Variants in CNTNAP2 observed in about 807,000 individuals in gnomAD.
The protein encoded by CNTNAP2 is contactin associated protein 2.
In CNTNAP2, 98 loss-of-function variants were observed where a neutral mutation model predicts 155.2. The ratio of observed to expected loss-of-function variants is 0.63; its 90% CI spans 0.54 to 0.75. The LOEUF (loss-of-function observed/expected upper bound fraction) is 0.75, where lower values mean the gene tolerates loss of function less well. Ranked by LOEUF, CNTNAP2 falls within the 30% of genes least tolerant of loss-of-function variation. The pLI, the probability that CNTNAP2 is intolerant of heterozygous loss-of-function variation, is 0.00. For synonymous variants in CNTNAP2, 651 were observed against 631.2 expected (o/e 1.03, Z -0.47); for missense variants, 1,727 against 1,688.1 (o/e 1.02, Z -0.40).
intron 4 of CNTNAP2, among the ~76,000 whole-genome samples, chr7:147,047,682 G>GGATTAAGTCT: frequency 1.3e-5 from 2 of 152,224 alleles, no homozygotes; most frequent in South Asian, 4.1e-4. Context: ...CTTAAACTGT[G>GGATTAAGTCT]ACCACATGTT....
intron 3 of CNTNAP2, among the ~76,000 whole-genome samples, chr7:147,020,154 C>T (rs1028947132): frequency 1.3e-5 from 2 of 152,046 alleles, no homozygotes; most frequent in Admixed American, 6.6e-5. Context: ...TTGCACATAT[C>T]ATAGATGATC....
At chr7:146,193,580 G>C (rs1323478608) in intron 1 of CNTNAP2, among the ~76,000 whole-genome samples, 1 of 152,168 alleles carries the variant, frequency 6.6e-6, no homozygotes, top group Admixed American at 6.5e-5. Context: ...AAGTCCCTAG[G>C]CTGCAGAGCA....
At chr7:146,266,133 G>T (rs1799990253) in intron 1 of CNTNAP2, among the ~76,000 whole-genome samples, 1 of 152,154 alleles carries the variant, frequency 6.6e-6, no homozygotes, top group Admixed American at 6.5e-5. Context: ...AACAAATAAT[G>T]CAAGGAGAGA....
chr7:146,744,809 A>AT (rs1466430841), intron 1 of CNTNAP2, among the ~76,000 whole-genome samples: 3 of 152,124 alleles, frequency 2.0e-5, no homozygotes, highest in Non-Finnish European at 4.4e-5. Context: ...TACAAGTATG[A>AT]TTTTCCACAA....
intron 1 of CNTNAP2, among the ~76,000 whole-genome samples, chr7:146,674,632 CA>C (rs1456219238): frequency 1.3e-5 from 2 of 151,950 alleles, no homozygotes; most frequent in African/African-American, 4.8e-5. Context: ...TGGGGAGGAA[CA>C]GGGGCAGCTC....
chr7:147,303,241 T>G (rs1300953693), intron 9 of CNTNAP2, among the ~76,000 whole-genome samples: 1 of 152,244 alleles, frequency 6.6e-6, no homozygotes, highest in African/African-American at 2.4e-5. Context: ...TAACATTTCT[T>G]TAACATTTAT....
chr7:147,433,465 G>C (rs1367278101), intron 10 of CNTNAP2, among the ~76,000 whole-genome samples: 3 of 152,140 alleles, frequency 2.0e-5, no homozygotes, highest in Admixed American at 2.0e-4. Context: ...GTTATCTGCA[G>C]GGCACTCTGG....
chr7:146,710,776 T>G (rs1433589610), intron 1 of CNTNAP2, among the ~76,000 whole-genome samples: 1 of 152,092 alleles, frequency 6.6e-6, no homozygotes, highest in Non-Finnish European at 1.5e-5. Flanking sequence ...AATCACTAAT[T>G]TAAAATCAGT....
At chr7:147,961,223 A>T (rs1234490109) in intron 14 of CNTNAP2, among the ~76,000 whole-genome samples, 1 of 152,052 alleles carries the variant, frequency 6.6e-6, no homozygotes, top group Non-Finnish European at 1.5e-5. Flanking sequence ...TATAACTAGG[A>T]TATACTCAAA....
intron 1 of CNTNAP2, among the ~76,000 whole-genome samples, chr7:146,523,151 C>T (rs774204188): frequency 2.0e-5 from 3 of 151,952 alleles, no homozygotes; most frequent in Admixed American, 6.6e-5. Flanking sequence ...TCCCTTCCCA[C>T]GCTTTCCCCC....
At chr7:146,584,292 T>C (rs530714243) in intron 1 of CNTNAP2, among the ~76,000 whole-genome samples, 1 of 152,310 alleles carries the variant, frequency 6.6e-6, no homozygotes, top group East Asian at 1.9e-4. Flanking sequence ...TTTTCTTATC[T>C]GTATAATGTG....
chr7:147,130,816 T>C (rs1801337515), intron 7 of CNTNAP2, among the ~76,000 whole-genome samples: 1 of 152,088 alleles, frequency 6.6e-6, no homozygotes, highest in African/African-American at 2.4e-5. Flanking sequence ...TTAATTTTGC[T>C]AGGGAGACAA....
chr7:146,219,070 C>T (rs1799163192), intron 1 of CNTNAP2, among the ~76,000 whole-genome samples: 1 of 152,134 alleles, frequency 6.6e-6, no homozygotes, highest in African/African-American at 2.4e-5. Context: ...AAAAGAGACG[C>T]CAGGACCTTC....
intron 1 of CNTNAP2, among the ~76,000 whole-genome samples, chr7:146,586,429 G>C (rs974820684): frequency 1.3e-4 from 20 of 152,092 alleles, no homozygotes; most frequent in African/African-American, 4.1e-4. Context: ...AGGTAGGAGA[G>C]AGTATAGAGC....
intron 1 of CNTNAP2, among the ~76,000 whole-genome samples, chr7:146,772,678 TAAAA>T (rs1318834688): frequency 6.7e-6 from 1 of 149,748 alleles, no homozygotes; most frequent in South Asian, 2.1e-4. Flanking sequence ...CAAATAAAAA[TAAAA>T]AAGAAAAAAG....
chr7:147,358,720 C>G (rs1198472891), intron 9 of CNTNAP2, among the ~76,000 whole-genome samples: 1 of 151,998 alleles, frequency 6.6e-6, no homozygotes, highest in Non-Finnish European at 1.5e-5. Context: ...GAAATTTTAG[C>G]TTCTAATAGT....
chr7:146,856,328 A>G (rs1794986731), intron 3 of CNTNAP2, among the ~76,000 whole-genome samples: 1 of 151,928 alleles, frequency 6.6e-6, no homozygotes, highest in Non-Finnish European at 1.5e-5. Context: ...ATACATACAT[A>G]CATACATACA....
intron 8 of CNTNAP2, among the ~76,000 whole-genome samples, chr7:147,210,326 A>G (rs930881412): frequency 6.6e-6 from 1 of 151,822 alleles, no homozygotes; most frequent in African/African-American, 2.4e-5. Flanking sequence ...ATCTTGGGAG[A>G]TTGTATGTTT....
chr7:146,239,581 T>G (rs1297948058), intron 1 of CNTNAP2, among the ~76,000 whole-genome samples: 1 of 152,222 alleles, frequency 6.6e-6, no homozygotes, highest in South Asian at 2.1e-4. Flanking sequence ...CCCTCCAGCC[T>G]ACCTCAGTGC....
Sources: allele counts gnomAD v4.1 joint callset (sites outside exome capture counted in the v4.1 genomes callset), GRCh38; gene constraint gnomAD v4.1.1; transcripts MANE v1.5; gene names NCBI Gene and HGNC (gene_info 2026-07-23, HGNC 2026-07-21).